UBE2E2: variants seen among roughly 807,000 people sequenced by gnomAD.
UBE2E2 encodes ubiquitin-conjugating enzyme E2 E2.
UBE2E2 carries 6 observed loss-of-function variants against 24.7 expected under a neutral mutation model. The ratio of observed to expected loss-of-function variants is 0.24; its 90% confidence interval spans 0.13 to 0.48. UBE2E2 has a LOEUF of 0.48. Among genes scored for constraint, UBE2E2 ranks in the 20% least tolerant of loss-of-function variants. The pLI is 0.99. For missense variants in UBE2E2, 169 were observed against 245.0 expected (o/e 0.69, Z 2.07); for synonymous variants, 104 against 83.6 (o/e 1.24, Z -1.33).
intron 3 of UBE2E2, among the ~76,000 whole-genome samples, chr3:23,300,966 G>A (rs553850040): frequency 6.6e-6 from 1 of 152,210 alleles, no homozygotes; most frequent in Admixed American, 6.5e-5. Flanking sequence ...CATATTTCTT[G>A]GAGGCTTTGT....
intron 3 of UBE2E2, among the ~76,000 whole-genome samples, chr3:23,418,014 T>A (rs975046645): frequency 6.6e-6 from 1 of 152,118 alleles, no homozygotes; most frequent in East Asian, 1.9e-4. Flanking sequence ...TGGGATCCGC[T>A]GAGCTAAACC....
chr3:23,310,970 T>G (rs897941102), intron 3 of UBE2E2, among the ~76,000 whole-genome samples: 1 of 152,112 alleles, frequency 6.6e-6, no homozygotes, highest in Non-Finnish European at 1.5e-5. Context: ...AACTTGTCAT[T>G]TACATTAGGT....
At chr3:23,297,137 C>A (rs1381188765) in intron 3 of UBE2E2, among the ~76,000 whole-genome samples, 1 of 152,144 alleles carries the variant, frequency 6.6e-6, no homozygotes, top group African/African-American at 2.4e-5. Context: ...ATATCCTTCA[C>A]CCACTTTTTG....
intron 5 of UBE2E2, among the ~76,000 whole-genome samples, chr3:23,561,023 G>A (rs1411494116): frequency 6.6e-6 from 1 of 152,190 alleles, no homozygotes; most frequent in Non-Finnish European, 1.5e-5. Flanking sequence ...TAGGTTGCCT[G>A]TTCACTCTGC....
At chr3:23,518,908 G>A (rs1461397461) in intron 4 of UBE2E2, among the ~76,000 whole-genome samples, 1 of 152,130 alleles carries the variant, frequency 6.6e-6, no homozygotes, top group African/African-American at 2.4e-5. Flanking sequence ...GTGAATTTAG[G>A]AATAAGTTAG....
intron 3 of UBE2E2, among the ~76,000 whole-genome samples, chr3:23,361,213 T>G (rs759676100): frequency 3.9e-5 from 6 of 152,166 alleles, no homozygotes; most frequent in Non-Finnish European, 8.8e-5. Context: ...AAGGGAGTCC[T>G]TTTATACTGC....
In UBE2E2 at chr3:23,392,249, T is replaced by C. The variant is rs538233004; in HGVS notation, c.228-107359T>C. On this transcript the variant is annotated intron_variant, in intron 3 of 5. Transcript: ENST00000396703. ...AATATATAACATTATGCTAGCACACTCAACCAATTTGTTTACTCATTCACT... is the reference window on the plus strand; with the variant it reads ...AATATATAACATTATGCTAGCACACCCAACCAATTTGTTTACTCATTCACT... Among the ~76,000 whole-genome samples, 18 of 152,308 alleles carry C rather than the reference T, an allele frequency of 1.2e-4. 2 individuals are homozygous for C. The highest frequency in any genetic ancestry group is 4.1e-4 in the African/African-American group (17 of 41,560).
chr3:23,328,147 G>A (rs1268097120), intron 3 of UBE2E2, among the ~76,000 whole-genome samples: 2 of 151,802 alleles, frequency 1.3e-5, no homozygotes, highest in African/African-American at 2.4e-5. Context: ...GATAATTTGC[G>A]ACAATAAAAA....
intron 3 of UBE2E2, among the ~76,000 whole-genome samples, chr3:23,258,328 C>T (rs759491433): frequency 4.4e-4 from 67 of 152,086 alleles, no homozygotes; most frequent in Non-Finnish European, 8.4e-4. Flanking sequence ...AAGGATGAGT[C>T]ATGGTATTGG....
chr3:23,520,586 G>T (rs953773968), intron 4 of UBE2E2, among the ~76,000 whole-genome samples: 1 of 152,082 alleles, frequency 6.6e-6, no homozygotes, highest in African/African-American at 2.4e-5. Context: ...TGGGAATTTG[G>T]CCAACTCTAT....
At chr3:23,214,250 T>A (rs1006649285) in intron 2 of UBE2E2, among the ~76,000 whole-genome samples, 1 of 152,100 alleles carries the variant, frequency 6.6e-6, no homozygotes, top group Non-Finnish European at 1.5e-5. Flanking sequence ...CAGAAAATTA[T>A]GATTTATCAG....
At position 23,589,660 on chromosome 3, in the gene UBE2E2, C is replaced by A; in HGVS notation, c.509-74C>A. The A allele has an allele frequency of 6.6e-7, 1 of 1,523,646 alleles. No individual in the cohort carries two copies. The highest frequency in any genetic ancestry group is 9.1e-7 in the Non-Finnish European group (1 of 1,103,906). The allele number at this position is 1,523,646 out of a possible 1,614,324, so 94.4% of individuals were successfully genotyped here. ...CTTCTCATCTCCTACCCTCCCACTC[C>A]TTGCCAGCTTTCTGAACACTTCTTC... On this transcript the variant is annotated intron_variant, in intron 5 of 5. Transcript: ENST00000396703. This position sits in a 1 kb window ranked among gnomAD's most constrained non-coding sequence, Gnocchi z 4.1.
chr3:23,478,303 G>T (rs1045123200), intron 3 of UBE2E2, among the ~76,000 whole-genome samples: 1 of 152,164 alleles, frequency 6.6e-6, no homozygotes, highest in African/African-American at 2.4e-5. Flanking sequence ...ATAACCAGGG[G>T]TAAGGATAAT....
chr3:23,463,867 C>T (rs1698866094), intron 3 of UBE2E2, among the ~76,000 whole-genome samples: 1 of 152,110 alleles, frequency 6.6e-6, no homozygotes, highest in Non-Finnish European at 1.5e-5. Context: ...CAGTCTTCCA[C>T]TCAAAGGAAT....
At chr3:23,245,206 A>G (rs946864680) in intron 3 of UBE2E2, among the ~76,000 whole-genome samples, 1 of 152,272 alleles carries the variant, frequency 6.6e-6, no homozygotes, top group Non-Finnish European at 1.5e-5. Flanking sequence ...AAAAAACTCC[A>G]TAGAGCACTT....
intron 3 of UBE2E2, among the ~76,000 whole-genome samples, chr3:23,455,730 C>G (rs1052983713): frequency 6.6e-6 from 1 of 152,104 alleles, no homozygotes; most frequent in African/African-American, 2.4e-5. Flanking sequence ...CTGAAAGATC[C>G]TAACGATCAT....
chr3:23,203,164 T>C, upstream of UBE2E2: 1 of 984,968 alleles, frequency 1.0e-6, no homozygotes, highest in Non-Finnish European at 1.2e-6. Context: ...GTGGCTTCAC[T>C]TTCCAGGACT....
At chr3:23,223,359 A>G (rs1303410940) in intron 3 of UBE2E2, among the ~76,000 whole-genome samples, 1 of 151,748 alleles carries the variant, frequency 6.6e-6, no homozygotes, top group Non-Finnish European at 1.5e-5. Flanking sequence ...CACTTGGCTA[A>G]TTTTTGTATT....
intron 3 of UBE2E2, among the ~76,000 whole-genome samples, chr3:23,498,065 A>T (rs1344036662): frequency 6.6e-6 from 1 of 152,062 alleles, no homozygotes; most frequent in Non-Finnish European, 1.5e-5. Context: ...TCATATGATT[A>T]TTGGCCATTT....
Sources: gnomAD v4.1 joint callset for allele counts (sites outside exome capture counted in the v4.1 genomes callset) on GRCh38, gnomAD v4.1.1 for gene constraint, Gnocchi (gnomAD v3.1) non-coding constraint, MANE v1.5 for transcripts, NCBI Gene and HGNC (gene_info 2026-07-23, HGNC 2026-07-21) for gene names.